The following NLRP12 variants were observed in gnomAD, a reference collection of about 807,000 sequenced individuals.
The protein encoded by NLRP12 is NLR family pyrin domain containing 12.
Under a neutral mutation model 91.2 loss-of-function variants are expected in NLRP12, and 108 were observed. That is an observed-to-expected ratio of 1.18 (90% confidence interval 1.01 to 1.39). The LOEUF is 1.39. Among genes scored for constraint, NLRP12 ranks in the 40% most tolerant of loss-of-function variants. NLRP12 has a pLI of 0.00. For missense variants in NLRP12, 1,530 were observed against 1,352.7 expected (o/e 1.13, Z -2.06); for synonymous variants, 613 against 566.7 (o/e 1.08, Z -1.16).
chr19:53,797,188 A>C (rs1191769555), intron 8 of NLRP12, among the ~76,000 whole-genome samples: 1 of 150,710 alleles, frequency 6.6e-6, no homozygotes, highest in Non-Finnish European at 1.5e-5. Context: ...CTGGAGTGCA[A>C]TGGTGTGATC....
At chr19:53,793,727 G>A (rs920646876), downstream of NLRP12, 5 of 394,356 alleles carry the variant, frequency 1.3e-5, no homozygotes, top group Non-Finnish European at 2.4e-5. Context: ...TGGGACTACA[G>A]GTGCCCGCCA....
Position 53,805,393 on chromosome 19 carries a change from T to C in NLRP12, c.2301A>G (p.Ile767Met), listed in dbSNP as rs759065218. ...SACEDLSAAL[I>M]ANKNLTRMDL... ...CCATCCTTGTCAAATTCTTATTGGC[T>C]ATGAGAGCTGCAGAGAGGTCCTCGC... Residue 767 changes from isoleucine (I) to methionine (M), a missense_variant, in exon 5 of 10, where the codon ATA (isoleucine) becomes ATG (methionine). By Grantham distance (10) the Ile-to-Met change is conservative. Coordinates refer to ENST00000324134, the MANE Select transcript of NLRP12 (RefSeq NM_144687.4). The C allele has an allele frequency of 6.2e-7, 1 of 1,614,048 alleles. No homozygotes were observed. Among genetic ancestry groups the C allele is most frequent in the Non-Finnish European group, 8.5e-7 (1 of 1,179,980 alleles).
Position 53,811,161 on chromosome 19 carries a change from G to A in NLRP12, c.498C>T (p.His166=). 1.2e-6 allele frequency: 2 copies of A among 1,614,132 alleles called. No individual in the cohort carries two copies. Among genetic ancestry groups the A allele is most frequent in the Non-Finnish European group, 1.7e-6 (2 of 1,180,028 alleles). ...RYTRLLLVKE[H]SNPMQVQQQL... Reference sequence around the variant, plus strand: ...GCTGCTGGACCTGCATGGGGTTTGAGTGCTCCTTCACCAGCAGGAGCCGGG... The same window carrying A: ...GCTGCTGGACCTGCATGGGGTTTGAATGCTCCTTCACCAGCAGGAGCCGGG... Residue 166 remains histidine, a synonymous_variant, in exon 3 of 10, where the codon CAC becomes CAT. Coordinates refer to ENST00000324134, the MANE Select transcript of NLRP12 (RefSeq NM_144687.4).
At chr19:53,817,998 T>C (rs1266188014) in intron 1 of NLRP12, among the ~76,000 whole-genome samples, 2 of 151,710 alleles carry the variant, frequency 1.3e-5, no homozygotes, top group Non-Finnish European at 2.9e-5. Context: ...GGCCAGGCTG[T>C]TGTCAAATTC....
intron 1 of NLRP12, among the ~76,000 whole-genome samples, chr19:53,818,263 G>A (rs915941959): frequency 6.6e-6 from 1 of 151,930 alleles, no homozygotes; most frequent in South Asian, 2.1e-4. Flanking sequence ...TTGTAGAGAA[G>A]GGGTTTTGCC....
In NLRP12 at chr19:53,807,536, A is replaced by T; in HGVS notation, c.2202T>A (p.Cys734Ter). 6.2e-7 allele frequency: 1 copy of T among 1,614,132 alleles called. No individual in the cohort carries two copies. Among genetic ancestry groups the T allele is most frequent in the Non-Finnish European group, 8.5e-7 (1 of 1,180,024 alleles). ...ALGSRGVKLL[C>*]QGLRHPNCKL... ...TGCAGTTGGGGTGTCTGAGTCCTTG[A>T]CAGAGCAGCTTCACCCCCCGGCTGC... The change falls in exon 4 of 10, where the codon TGT (cysteine) becomes TGA (stop). Residue 734 changes from cysteine (C) to a stop codon, truncating the protein, a stop_gained. Transcript: ENST00000324134. LOFTEE classifies it high-confidence loss of function.
At chr19:53,800,931 AAGCCT>A (rs2091858365) in intron 7 of NLRP12, among the ~76,000 whole-genome samples, 1 of 152,032 alleles carries the variant, frequency 6.6e-6, no homozygotes. Context: ...GCAGTGGCTC[AAGCCT>A]GTAATCCCAG....
intron 9 of NLRP12, among the ~76,000 whole-genome samples, 194 bp downstream of exon 9, chr19:53,795,665 C>T (rs1317439856): frequency 3.3e-5 from 5 of 152,104 alleles, no homozygotes; most frequent in Non-Finnish European, 7.4e-5. Flanking sequence ...TGAGCCACCG[C>T]GCCCGGCCTC....
chr19:53,822,901 G>A (rs1181276452), intron 1 of NLRP12, among the ~76,000 whole-genome samples: 4 of 151,786 alleles, frequency 2.6e-5, no homozygotes, highest in African/African-American at 9.7e-5. Flanking sequence ...CCATGTAGCT[G>A]GGACTATAAG....
In NLRP12 at chr19:53,810,421, C is replaced by G; in HGVS notation, c.1238G>C (p.Cys413Ser). Residue 413 changes from cysteine (C) to serine (S), a missense_variant, in exon 3 of 10, where the codon TGC (cysteine) becomes TCC (serine). Physicochemically the swap from Cys to Ser is moderately radical, Grantham distance 112. Transcript: ENST00000324134. The part of the protein sequence containing the change: ...VPLVCWVVCT[C>S]LQQQLEGGGL... ...CCCACCCTCCAGCTGCTGCTGGAGGCAGGTACACACCACCCAGCACACCAG... is the reference window on the plus strand; with the variant it reads ...CCCACCCTCCAGCTGCTGCTGGAGGGAGGTACACACCACCCAGCACACCAG... 1.2e-6 allele frequency: 2 copies of G among 1,613,890 alleles called. No individual in the cohort carries two copies. Among genetic ancestry groups the G allele is most frequent in the Non-Finnish European group, 1.7e-6 (2 of 1,180,000 alleles).
Position 53,798,229 on chromosome 19 carries a change from TC to T in NLRP12, c.2927+13del, listed in dbSNP as rs1248962183. 9.9e-6 allele frequency: 16 copies of T among 1,613,916 alleles called. No homozygotes were observed. Among genetic ancestry groups the T allele is most frequent in the East Asian group, 8.9e-5 (4 of 44,892 alleles). ...AACGTGACCACTGCCACCCCGTCAC[TC>T]CCCGATGCTCACCACAGTTTCTGGA... is the stretch of plus-strand genomic sequence containing the variant. On this transcript the variant is annotated intron_variant, in intron 8 of 9. Transcript: ENST00000324134.
intron 1 of NLRP12, among the ~76,000 whole-genome samples, chr19:53,822,461 A>C (rs981109950): frequency 2.0e-5 from 3 of 151,894 alleles, no homozygotes; most frequent in Non-Finnish European, 4.4e-5. Flanking sequence ...GGCCGGGCAC[A>C]GTGGCTTATG....
At chr19:53,795,285 G>A (rs576984976) in intron 9 of NLRP12, among the ~76,000 whole-genome samples, 10 of 151,588 alleles carry the variant, frequency 6.6e-5, no homozygotes, top group Non-Finnish European at 1.5e-4. Flanking sequence ...ATTGGAGTTT[G>A]AACCCAGGCA....
At chr19:53,809,541 A>AAAC (rs755621699) in intron 3 of NLRP12, 46 bp downstream of exon 3, 3 of 1,425,710 alleles carry the variant, frequency 2.1e-6, no homozygotes, top group Non-Finnish European at 2.8e-6. Flanking sequence ...AAAAAAAAAA[A>AAAC]CACACGAACC....
At chr19:53,795,107 C>CGTGTGTGT (rs56027837) in intron 9 of NLRP12, among the ~76,000 whole-genome samples, 105 of 85,490 alleles carry the variant, frequency 1.2e-3, no homozygotes, top group African/African-American at 4.0e-3. Context: ...CTGGTGTGTG[C>CGTGTGTGT]GTGTGTGTGT....
chr19:53,813,027 C>T (rs1158440683), intron 2 of NLRP12, among the ~76,000 whole-genome samples: 1 of 151,520 alleles, frequency 6.6e-6, no homozygotes, highest in African/African-American at 2.4e-5. Flanking sequence ...TTTACAGGTG[C>T]TCGCCACCAC....
intron 7 of NLRP12, among the ~76,000 whole-genome samples, 173 bp downstream of exon 7, chr19:53,801,054 T>A (rs8112341): frequency 3.3e-5 from 5 of 150,430 alleles, no homozygotes; most frequent in East Asian, 2.0e-4. Context: ...TTAGCTGGGC[T>A]TGGTGGCGGG....
In NLRP12 at chr19:53,810,888, C is replaced by G. The variant is rs1177620093; in HGVS notation, c.771G>C (p.Gln257His). ...CTTGCATGCTGCATTCCGTGGCACT[C>G]TGGTTCATCTCCCTGCAGTTGATGT... is the stretch of plus-strand genomic sequence containing the variant. ...LFYINCREMN[Q>H]SATECSMQDL... The change falls in exon 3 of 10, where the codon CAG (glutamine) becomes CAC (histidine). Residue 257 changes from glutamine (Q) to histidine (H), a missense_variant. By Grantham distance (24) the Gln-to-His change is conservative (BLOSUM62 0). Coordinates refer to ENST00000324134, the MANE Select transcript of NLRP12 (RefSeq NM_144687.4). The G allele has an allele frequency of 1.9e-6, 3 of 1,614,148 alleles. No homozygotes were observed. Among genetic ancestry groups the G allele is most frequent in the Non-Finnish European group, 2.5e-6 (3 of 1,180,028 alleles).
At chr19:53,815,298 G>A (rs373648753) in intron 1 of NLRP12, among the ~76,000 whole-genome samples, 2 of 139,138 alleles carry the variant, frequency 1.4e-5, no homozygotes, top group East Asian at 2.1e-4. Flanking sequence ...GCATGATCTC[G>A]GCTCACCACA....
Sources: gnomAD v4.1 joint callset for allele counts (sites outside exome capture counted in the v4.1 genomes callset) on GRCh38, gnomAD v4.1.1 for gene constraint, MANE v1.5 for transcripts, NCBI Gene and HGNC (gene_info 2026-07-23, HGNC 2026-07-21) for gene names.